Variants in PTK2 observed in about 807,000 individuals in gnomAD.
PTK2 encodes protein tyrosine kinase 2, also known as focal adhesion kinase 1.
In PTK2, 45 loss-of-function variants were observed where a neutral mutation model predicts 150.1. The observed-to-expected ratio is 0.30, with a 90% CI of 0.24 to 0.38. The LOEUF (loss-of-function observed/expected upper bound fraction) is 0.38, where lower values mean the gene tolerates loss of function less well. Ranked by LOEUF, PTK2 falls within the 10% of genes least tolerant of loss-of-function variation. The pLI, the probability that PTK2 is intolerant of heterozygous loss-of-function variation, is 1.00. For synonymous variants in PTK2, 432 were observed against 449.2 expected (o/e 0.96, Z 0.48); for missense variants, 919 against 1,307.3 (o/e 0.70, Z 4.58).
rs974949122 is a variant in PTK2 at position 140,679,009 on chromosome 8, T to G, written c.2563-3510A>C. 8.3e-4 allele frequency among the ~76,000 whole-genome samples: 12 copies of G among 14,526 alleles called. No homozygotes were observed. The South Asian group carries it at 0.028, about 33-fold the overall frequency. 9.5% of individuals were successfully genotyped at this position (14,526 alleles called of 152,430 possible). A position where few individuals can be genotyped will look rare whatever the true frequency, so the allele number is the denominator to read the frequency against. ...CCAGCTGAGTGCTCCCCATGTTTTTTTTTTTTTTTTTTTTTTTTTTTTTTT... is the reference window on the plus strand; with the variant it reads ...CCAGCTGAGTGCTCCCCATGTTTTTGTTTTTTTTTTTTTTTTTTTTTTTTT... On this transcript the variant is annotated intron_variant, in intron 27 of 31. Transcript: ENST00000522684.
chr8:140,838,984 C>A (rs1334693075), intron 7 of PTK2, among the ~76,000 whole-genome samples: 2 of 146,676 alleles, frequency 1.4e-5, no homozygotes, highest in Middle Eastern at 3.5e-3. Flanking sequence ...CCAGCCTGGG[C>A]ACAGAGTGAG....
chr8:140,901,398 C>A (rs2100158377), intron 2 of PTK2, among the ~76,000 whole-genome samples: 1 of 152,026 alleles, frequency 6.6e-6, no homozygotes, highest in Admixed American at 6.6e-5. Flanking sequence ...AAAATACAGG[C>A]AACTAAAGCA....
intron 4 of PTK2, among the ~76,000 whole-genome samples, chr8:140,876,025 A>T (rs942252943): frequency 6.6e-6 from 1 of 152,028 alleles, no homozygotes; most frequent in Non-Finnish European, 1.5e-5. Flanking sequence ...GATGTTTAAA[A>T]TTTTTTTCAT....
intron 14 of PTK2, among the ~76,000 whole-genome samples, chr8:140,778,575 T>C (rs1328871023): frequency 4.6e-5 from 7 of 152,248 alleles, no homozygotes; most frequent in African/African-American, 1.4e-4. Context: ...TGAGATGGAA[T>C]TGAAAGCAAG....
intron 13 of PTK2, among the ~76,000 whole-genome samples, chr8:140,790,480 A>G (rs1468125080): frequency 1.3e-5 from 2 of 152,244 alleles, no homozygotes; most frequent in African/African-American, 4.8e-5. Context: ...CATGAAACAA[A>G]TATTTGACTG....
chr8:140,753,682 C>T (rs1311827687), intron 16 of PTK2, among the ~76,000 whole-genome samples: 2 of 152,228 alleles, frequency 1.3e-5, no homozygotes, highest in African/African-American at 4.8e-5. Flanking sequence ...TGCACACTTA[C>T]TATTGTCTTT....
At chr8:140,883,944 A>G (rs1294810809) in intron 3 of PTK2, among the ~76,000 whole-genome samples, 3 of 152,022 alleles carry the variant, frequency 2.0e-5, no homozygotes, top group Non-Finnish European at 4.4e-5. Context: ...GGAGGCTCTT[A>G]GCTTGTCTTT....
intron 1 of PTK2, chr8:140,948,606 A>C (rs1192672222): frequency 2.6e-5 from 4 of 152,208 alleles, no homozygotes; most frequent in Non-Finnish European, 2.9e-5. Flanking sequence ...TATATCCCAA[A>C]TCAGAAAATC....
At chr8:140,686,756 T>G in intron 26 of PTK2, 62 bp from the exon 30 acceptor site, 1 of 1,410,354 alleles carries the variant, frequency 7.1e-7, no homozygotes, top group Non-Finnish European at 9.9e-7. Context: ...TTTGACAGAT[T>G]CTGTATTAAA....
chr8:140,897,013 A>T (rs2100156581), intron 2 of PTK2, among the ~76,000 whole-genome samples: 1 of 152,220 alleles, frequency 6.6e-6, no homozygotes, highest in Admixed American at 6.5e-5. Flanking sequence ...TTGAAGCCCA[A>T]ATTAGAAGAT....
intron 22 of PTK2, among the ~76,000 whole-genome samples, chr8:140,731,161 T>C (rs1284035476): frequency 2.0e-5 from 3 of 152,102 alleles, no homozygotes; most frequent in African/African-American, 7.2e-5. Flanking sequence ...GGTTTCACCA[T>C]GTTGGCCAGG....
chr8:140,774,165 T>C (rs1595018237), intron 14 of PTK2, among the ~76,000 whole-genome samples: 1 of 152,360 alleles, frequency 6.6e-6, no homozygotes, highest in East Asian at 1.9e-4. Flanking sequence ...TCTTTTGTAC[T>C]GAGTTACTTG....
chr8:140,908,837 A>G (rs1221465227), intron 2 of PTK2, among the ~76,000 whole-genome samples: 1 of 152,194 alleles, frequency 6.6e-6, no homozygotes, highest in Non-Finnish European at 1.5e-5. Context: ...GAGAGAAAAC[A>G]TGCCAAATTT....
intron 1 of PTK2, among the ~76,000 whole-genome samples, chr8:140,970,114 A>G (rs2100186725): frequency 6.6e-6 from 1 of 152,236 alleles, no homozygotes. Context: ...CACTTCAACC[A>G]CAGCAGCAGA....
intron 1 of PTK2, among the ~76,000 whole-genome samples, chr8:140,960,045 C>A (rs912847300): frequency 1.3e-4 from 19 of 149,956 alleles, no homozygotes; most frequent in African/African-American, 4.2e-4. Flanking sequence ...CCAACAACAA[C>A]AAAAAAAACC....
chr8:140,800,508 G>A, exon 12 of PTK2: 1 of 1,613,874 alleles, frequency 6.2e-7, no homozygotes. Flanking sequence ...TCACCAGCCG[G>A]CAGTACCCAT....
At chr8:140,962,263 AGAAGGGAGGGAGGAAGGGAGGGAG>A (rs71310807) in intron 1 of PTK2, among the ~76,000 whole-genome samples, 4 of 127,508 alleles carry the variant, frequency 3.1e-5, no homozygotes, top group Admixed American at 1.7e-4. Flanking sequence ...GAGGAAGGGA[AGAAGGGAGGGAGGAAGGGAGGGAG>A]GAAGGGAGGG....
chr8:140,929,755 C>A (rs1017614564), intron 1 of PTK2, among the ~76,000 whole-genome samples: 8 of 122,278 alleles, frequency 6.5e-5, no homozygotes, highest in African/African-American at 1.8e-4. Context: ...GTGACCCTGG[C>A]ACTTTTTTTT....
At chr8:140,870,383 T>C (rs1289116123) in intron 4 of PTK2, among the ~76,000 whole-genome samples, 1 of 152,216 alleles carries the variant, frequency 6.6e-6, no homozygotes, top group African/African-American at 2.4e-5. Context: ...TGACCATTTA[T>C]AGTAAAATAC....
Sources: gnomAD v4.1 joint callset for allele counts (sites outside exome capture counted in the v4.1 genomes callset) on GRCh38, gnomAD v4.1.1 for gene constraint, MANE v1.5 for transcripts, NCBI Gene and HGNC (gene_info 2026-07-23, HGNC 2026-07-21) for gene names.